Variants in WWOX observed in about 807,000 individuals in gnomAD.
WWOX encodes WW domain containing oxidoreductase.
WWOX carries 69 observed loss-of-function variants against 46.2 expected under a neutral mutation model. That is an observed-to-expected ratio of 1.49 (90% CI 1.23 to 1.82). WWOX has a LOEUF of 1.82. WWOX is among the 40% of genes most tolerant of loss of function. WWOX has a pLI of 0.00. For missense variants in WWOX, 919 were observed against 542.6 expected, an observed-to-expected ratio of 1.69 and a Z score of -6.89; for synonymous variants, 359 against 202.6, an observed-to-expected ratio of 1.77 and a Z score of -6.56.
At chr16:78,305,600 G>C (rs74508104) in intron 5 of WWOX, among the ~76,000 whole-genome samples, 1 of 151,774 alleles carries the variant, frequency 6.6e-6, no homozygotes, top group African/African-American at 2.4e-5. Flanking sequence ...GAGCAAGACC[G>C]TGTCATCCAT....
intron 8 of WWOX, among the ~76,000 whole-genome samples, chr16:78,720,070 A>G (rs367935449): frequency 6.6e-6 from 1 of 152,198 alleles, no homozygotes; most frequent in Non-Finnish European, 1.5e-5. Context: ...AACGATTTCA[A>G]TTTAATCGTA....
intron 8 of WWOX, among the ~76,000 whole-genome samples, chr16:78,920,497 G>A (rs1006107976): frequency 3.3e-5 from 5 of 152,156 alleles, no homozygotes; most frequent in Non-Finnish European, 7.4e-5. Flanking sequence ...ACTGCTGCCT[G>A]CATCCCCAAC....
intron 8 of WWOX, among the ~76,000 whole-genome samples, chr16:78,923,466 A>G (rs1421345973): frequency 6.6e-6 from 1 of 152,026 alleles, no homozygotes; most frequent in Non-Finnish European, 1.5e-5. Flanking sequence ...TATCTAGTTT[A>G]TATTTTGTTT....
chr16:78,724,841 T>A (rs1337511245), intron 8 of WWOX, among the ~76,000 whole-genome samples: 1 of 152,226 alleles, frequency 6.6e-6, no homozygotes, highest in Non-Finnish European at 1.5e-5. Flanking sequence ...CTCCATCTGA[T>A]TCTTACCTCT....
chr16:79,117,975 T>A (rs2049551150), intron 8 of WWOX, among the ~76,000 whole-genome samples: 1 of 152,254 alleles, frequency 6.6e-6, no homozygotes, highest in African/African-American at 2.4e-5. Context: ...TTGGTTTCTA[T>A]CATTTGTGTG....
intron 8 of WWOX, among the ~76,000 whole-genome samples, chr16:78,716,234 T>C (rs2048557901): frequency 6.6e-6 from 1 of 151,846 alleles, no homozygotes; most frequent in Non-Finnish European, 1.5e-5. Context: ...GAGATTGAAA[T>C]TGTGCTATCA....
At chr16:78,627,040 C>T (rs1239549550) in intron 8 of WWOX, among the ~76,000 whole-genome samples, 1 of 152,030 alleles carries the variant, frequency 6.6e-6, no homozygotes, top group Non-Finnish European at 1.5e-5. Context: ...CTTCCCTCTT[C>T]CCCCCACCTC....
chr16:78,549,234 G>C (rs913109490), intron 8 of WWOX, among the ~76,000 whole-genome samples: 2 of 152,264 alleles, frequency 1.3e-5, no homozygotes, highest in Non-Finnish European at 1.5e-5. Context: ...CATGTTAATA[G>C]CTTTCCTGCC....
At chr16:78,778,807 A>G (rs939600792) in intron 8 of WWOX, among the ~76,000 whole-genome samples, 4 of 152,182 alleles carry the variant, frequency 2.6e-5, no homozygotes, top group Non-Finnish European at 5.9e-5. Flanking sequence ...TTTTCATGGA[A>G]AGGGAACTGT....
chr16:78,680,753 G>T (rs1414775809), intron 8 of WWOX, among the ~76,000 whole-genome samples: 1 of 152,192 alleles, frequency 6.6e-6, no homozygotes, highest in Non-Finnish European at 1.5e-5. Flanking sequence ...GTGTCCCATT[G>T]CACAGTTTGG....
intron 8 of WWOX, among the ~76,000 whole-genome samples, chr16:79,036,490 G>T (rs2047869311): frequency 6.6e-6 from 1 of 152,162 alleles, no homozygotes; most frequent in Non-Finnish European, 1.5e-5. Flanking sequence ...CCCTCCTATG[G>T]TGCAGCTTCC....
At chr16:78,987,738 C>T (rs181583993) in intron 8 of WWOX, among the ~76,000 whole-genome samples, 46 of 152,234 alleles carry the variant, frequency 3.0e-4, no homozygotes, top group Non-Finnish European at 1.6e-4. Context: ...TGCGATATGT[C>T]GGCCCAAACT....
intron 6 of WWOX, among the ~76,000 whole-genome samples, chr16:78,403,454 T>G (rs926897363): frequency 6.6e-6 from 1 of 152,230 alleles, no homozygotes; most frequent in Non-Finnish European, 1.5e-5. Context: ...TGGCTTGTAT[T>G]GCTGCTTTAG....
intron 8 of WWOX, among the ~76,000 whole-genome samples, chr16:78,811,012 T>C (rs8058070): frequency 0.57 from 87,032 of 151,960 alleles, 25,306 homozygotes; most frequent in Middle Eastern, 0.64. Flanking sequence ...CTCTGGTGTT[T>C]AGTAACTTGC....
At chr16:78,946,826 C>G (rs1019986724) in intron 8 of WWOX, among the ~76,000 whole-genome samples, 1 of 152,036 alleles carries the variant, frequency 6.6e-6, no homozygotes, top group African/African-American at 2.4e-5. Context: ...ACTGCGGTAG[C>G]AAGGACAAGA....
At chr16:79,084,936 C>T (rs1258709254) in intron 8 of WWOX, among the ~76,000 whole-genome samples, 1 of 152,030 alleles carries the variant, frequency 6.6e-6, no homozygotes, top group Non-Finnish European at 1.5e-5. Flanking sequence ...TATAATTTTG[C>T]AATCAAAATA....
intron 4 of WWOX, among the ~76,000 whole-genome samples, chr16:78,130,561 G>A (rs1188110996): frequency 6.6e-6 from 1 of 152,184 alleles, no homozygotes. Context: ...GTTGAACAGA[G>A]CTGTTCCTAT....
intron 8 of WWOX, among the ~76,000 whole-genome samples, chr16:78,950,586 G>A (rs907023960): frequency 4.0e-5 from 6 of 151,446 alleles, no homozygotes; most frequent in Admixed American, 2.6e-4. Context: ...TTAGGAAATG[G>A]AGATTTCTAA....
At chr16:78,433,627 A>C (rs1207877571) in intron 8 of WWOX, among the ~76,000 whole-genome samples, 1 of 152,122 alleles carries the variant, frequency 6.6e-6, no homozygotes, top group Non-Finnish European at 1.5e-5. Flanking sequence ...TGGACCTAGG[A>C]TATTAATAAA....
Sources: gnomAD v4.1 joint callset for allele counts (sites outside exome capture counted in the v4.1 genomes callset) on GRCh38, gnomAD v4.1.1 for gene constraint, MANE v1.5 for transcripts, NCBI Gene and HGNC (gene_info 2026-07-23, HGNC 2026-07-21) for gene names.